Variants in ADGRL3 observed in about 807,000 individuals in gnomAD.
ADGRL3 encodes the protein adhesion G protein-coupled receptor L3, also known as calcium-independent alpha-latrotoxin receptor 3.
A neutral mutation model predicts 153.5 loss-of-function variants in ADGRL3; 62 were observed. That is an observed-to-expected ratio of 0.40 (90% CI 0.33 to 0.50). The LOEUF (loss-of-function observed/expected upper bound fraction) is 0.50, where lower values mean the gene tolerates loss of function less well. Ranked by LOEUF, ADGRL3 falls within the 20% of genes least tolerant of loss-of-function variation. The pLI is 0.47. For missense variants in ADGRL3, 1,641 were observed against 1,859.4 expected (o/e 0.88, Z 2.16); for synonymous variants, 710 against 672.5 (o/e 1.06, Z -0.86).
chr4:61,256,438 C>T lies in ADGRL3; in HGVS notation c.-240+54673C>T, dbSNP rs138105202. ...CAAAGCTGGCTAGAATTGATGAAAA[C>T]GGTGAGTTTTTTTCTGAACTGGTAA... On this transcript the variant is annotated intron_variant, in intron 1 of 26. Coordinates refer to ENST00000683033, the MANE Select transcript of ADGRL3 (RefSeq NM_001387552.1). Among the ~76,000 whole-genome samples the T allele has an allele frequency of 7.6e-4, 115 of 152,168 alleles. 1 individual carries two copies. The highest frequency in any genetic ancestry group is 2.5e-3 in the African/African-American group (102 of 41,526).
intron 4 of ADGRL3, among the ~76,000 whole-genome samples, chr4:61,564,005 C>CAAAT (rs886736416): frequency 2.0e-4 from 30 of 152,050 alleles, no homozygotes; most frequent in East Asian, 5.8e-4. Flanking sequence ...GAGACTGTCT[C>CAAAT]AAATAAATAA....
chr4:61,467,363 T>A (rs959588695), intron 2 of ADGRL3, among the ~76,000 whole-genome samples: 17 of 152,210 alleles, frequency 1.1e-4, no homozygotes, highest in Admixed American at 5.2e-4. Flanking sequence ...GTACTATAAA[T>A]CATAAATTTA....
At chr4:61,596,222 A>G (rs1497901) in intron 5 of ADGRL3, among the ~76,000 whole-genome samples, 97,279 of 152,076 alleles carry the variant, frequency 0.64, 33,446 homozygotes, top group East Asian at 0.92. Flanking sequence ...AACAGTGTAT[A>G]CTTCCATTCT....
chr4:61,323,451 C>G (rs2095405672), intron 1 of ADGRL3, among the ~76,000 whole-genome samples: 2 of 151,910 alleles, frequency 1.3e-5, no homozygotes, highest in Admixed American at 1.3e-4. Context: ...CTTTTATGCT[C>G]TCTTTCCCCT....
At chr4:61,526,776 A>C (rs1191978926) in intron 4 of ADGRL3, among the ~76,000 whole-genome samples, 1 of 152,190 alleles carries the variant, frequency 6.6e-6, no homozygotes, top group African/African-American at 2.4e-5. Flanking sequence ...AAAATAAATA[A>C]ATACATAAAT....
At chr4:62,020,253 TC>T (rs1217112187) in intron 21 of ADGRL3, among the ~76,000 whole-genome samples, 7 of 152,146 alleles carry the variant, frequency 4.6e-5, no homozygotes, top group Non-Finnish European at 1.5e-5. Flanking sequence ...GTTATTAATT[TC>T]TTGACTTATT....
At position 61,898,851 on chromosome 4, in the gene ADGRL3, A is replaced by G. The variant is rs558318252; in HGVS notation, c.1887+3017A>G. On this transcript the variant is annotated intron_variant, in intron 11 of 26. Coordinates refer to ENST00000683033, the MANE Select transcript of ADGRL3 (RefSeq NM_001387552.1). The stretch of plus-strand genomic sequence containing the variant: ...AGGCGGGTCTCAAACTCCTGAGCTC[A>G]GGCAATCTGCCTGTCATAGCCTCCC... Among the ~76,000 whole-genome samples, 98 of 152,268 alleles carry G rather than the reference A, an allele frequency of 6.4e-4. 1 individual carries two copies. The highest frequency in any genetic ancestry group is 3.4e-3 in the Middle Eastern group (1 of 294).
At chr4:61,552,147 C>A (rs1345298018) in intron 4 of ADGRL3, among the ~76,000 whole-genome samples, 1 of 135,638 alleles carries the variant, frequency 7.4e-6, no homozygotes, top group Non-Finnish European at 1.6e-5. Context: ...AACACAGAAG[C>A]AACTGCTTAA....
chr4:61,706,758 C>A (rs2095864834), intron 6 of ADGRL3, among the ~76,000 whole-genome samples: 1 of 152,164 alleles, frequency 6.6e-6, no homozygotes, highest in Admixed American at 6.5e-5. Flanking sequence ...ATCCAGTTCA[C>A]TAAAACTTTT....
chr4:61,482,126 T>G (rs970541569), intron 2 of ADGRL3, among the ~76,000 whole-genome samples: 5 of 152,184 alleles, frequency 3.3e-5, no homozygotes, highest in Non-Finnish European at 7.4e-5. Context: ...AGAGATAACC[T>G]TTGATTCTAA....
intron 1 of ADGRL3, among the ~76,000 whole-genome samples, chr4:61,374,008 A>G (rs955161289): frequency 1.1e-4 from 17 of 152,196 alleles, no homozygotes; most frequent in Admixed American, 1.0e-3. Context: ...AATCCTTTGA[A>G]CTTCATCAAG....
At chr4:61,745,593 C>T (rs1301835975) in intron 8 of ADGRL3, among the ~76,000 whole-genome samples, 1 of 152,122 alleles carries the variant, frequency 6.6e-6, no homozygotes, top group Non-Finnish European at 1.5e-5. Flanking sequence ...CCCAGAATTT[C>T]ATATCCAGCC....
intron 1 of ADGRL3, among the ~76,000 whole-genome samples, chr4:61,335,782 G>T (rs978257067): frequency 6.6e-6 from 1 of 152,078 alleles, no homozygotes; most frequent in African/African-American, 2.4e-5. Context: ...GAAAAGAGCT[G>T]CATTTAACTC....
At chr4:61,898,223 A>G (rs1435717732) in intron 11 of ADGRL3, among the ~76,000 whole-genome samples, 1 of 152,090 alleles carries the variant, frequency 6.6e-6, no homozygotes, top group Non-Finnish European at 1.5e-5. Flanking sequence ...GCCCTGAACT[A>G]GCAAATGGGA....
chr4:61,423,203 A>G (rs1288287086), intron 2 of ADGRL3, among the ~76,000 whole-genome samples: 1 of 152,220 alleles, frequency 6.6e-6, no homozygotes, highest in Non-Finnish European at 1.5e-5. Flanking sequence ...AGATGAGAAG[A>G]TTCCAAAGAA....
intron 9 of ADGRL3, among the ~76,000 whole-genome samples, chr4:61,889,254 T>A (rs1424998335): frequency 6.6e-6 from 1 of 152,202 alleles, no homozygotes; most frequent in Non-Finnish European, 1.5e-5. Context: ...AAAGGATAAA[T>A]AGCAGTTAGT....
At chr4:61,420,499 CG>C (rs1474461241) in intron 2 of ADGRL3, 2 of 149,560 alleles carry the variant, frequency 1.3e-5, no homozygotes, top group African/African-American at 4.9e-5. Flanking sequence ...CTCCGCCTCC[CG>C]GGTTCACGCC....
intron 5 of ADGRL3, among the ~76,000 whole-genome samples, chr4:61,652,210 A>C (rs564877128): frequency 2.4e-4 from 36 of 152,318 alleles, no homozygotes; most frequent in African/African-American, 8.2e-4. Flanking sequence ...AGGTTTTTTT[A>C]AGATACCAAG....
chr4:61,241,636 T>A (rs373788270), intron 1 of ADGRL3, among the ~76,000 whole-genome samples: 3 of 152,152 alleles, frequency 2.0e-5, no homozygotes, highest in African/African-American at 7.2e-5. Context: ...TCTACGTATA[T>A]CCCTTTTTAA....
Sources: gnomAD v4.1 joint callset for allele counts (sites outside exome capture counted in the v4.1 genomes callset) on GRCh38, gnomAD v4.1.1 for gene constraint, MANE v1.5 for transcripts, NCBI Gene and HGNC (gene_info 2026-07-23, HGNC 2026-07-21) for gene names.